NOL4L: variants seen among roughly 807,000 people sequenced by gnomAD.
NOL4L encodes the protein nucleolar protein 4 like.
A neutral mutation model predicts 64.5 loss-of-function variants in NOL4L; 7 were observed. That is an observed-to-expected ratio of 0.11 (90% CI 0.06 to 0.20). The LOEUF is 0.20. Among genes scored for constraint, NOL4L ranks in the 10% least tolerant of loss-of-function variants. The pLI is 1.00. For missense variants in NOL4L, 680 were observed against 967.1 expected (o/e 0.70, Z 3.94); for synonymous variants, 413 against 401.0 (o/e 1.03, Z -0.36).
In NOL4L at chr20:32,456,150, G is replaced by A. The variant is rs772253099; in HGVS notation, c.1087C>T (p.Arg363Cys). 9.0e-6 allele frequency: 14 copies of A among 1,561,178 alleles called. No individual in the cohort carries two copies. Among genetic ancestry groups the A allele is most frequent in the East Asian group, 4.7e-5 (2 of 42,440 alleles). The change falls in exon 6 of 11, where the codon CGC (arginine) becomes TGC (cysteine). Residue 363 changes from arginine to cysteine, a missense_variant. This residue lies in a region of NOL4L where 254 missense variants were observed against 238.7 expected (regional missense o/e 1.06). Transcript: ENST00000621426. Reference protein sequence around the residue: ...DGCGADGLRSRVKYGVKTTPE... With the variant: ...DGCGADGLRSCVKYGVKTTPE... ...GTGGTCTTCACCCCGTATTTGACGC[G>A]GCTCCGCAGCCCGTCGGCACCGCAG...
intron 4 of NOL4L, among the ~76,000 whole-genome samples, chr20:32,496,561 T>A (rs1275442897): frequency 6.6e-6 from 1 of 151,954 alleles, no homozygotes; most frequent in Non-Finnish European, 1.5e-5. Flanking sequence ...TTCTTTCTTT[T>A]TTTTTTTTGA....
intron 4 of NOL4L, among the ~76,000 whole-genome samples, chr20:32,486,336 T>C (rs1202563101): frequency 1.3e-5 from 2 of 152,210 alleles, no homozygotes; most frequent in Non-Finnish European, 2.9e-5. Context: ...TGTCCCTTCT[T>C]CTGGCCCCAG....
intron 1 of NOL4L, among the ~76,000 whole-genome samples, chr20:32,583,467 G>A (rs889689040): frequency 6.8e-6 from 1 of 147,874 alleles, no homozygotes; most frequent in African/African-American, 2.5e-5. Flanking sequence ...GGGGGAGCGG[G>A]GGAGCGGGGG....
chr20:32,456,527 G>A, intron 5 of NOL4L, 132 bp from the exon 6 acceptor site: 1 of 916,100 alleles, frequency 1.1e-6, no homozygotes, highest in Non-Finnish European at 1.5e-6. Flanking sequence ...CCCCACCTCA[G>A]AGGCAATTTG....
rs1420827751 is a variant in NOL4L at position 32,445,367 on chromosome 20, A to AT, written c.*2228dup. The AT allele has an allele frequency of 6.6e-6, 1 of 152,218 alleles. No individual in the cohort carries two copies. The highest frequency in any genetic ancestry group is 1.5e-5 in the Non-Finnish European group (1 of 68,036). The allele number at this position is 152,218 out of a possible 1,614,324, so 9.4% of individuals were successfully genotyped here. ...GTCTGCCAAGAAATGCAAACGGTTC[A>AT]TGTCTAGCTTGGGTACTGCCTCTGG... is the stretch of plus-strand genomic sequence containing the variant. On this transcript the variant is annotated 3_prime_UTR_variant, in exon 11 of 11. Transcript: ENST00000621426.
At position 32,474,704 on chromosome 20, in the gene NOL4L, G is replaced by T; in HGVS notation, c.738C>A (p.Ser246Arg). The T allele has an allele frequency of 6.2e-7, 1 of 1,613,502 alleles. No homozygotes were observed. The highest frequency in any genetic ancestry group is 8.5e-7 in the Non-Finnish European group (1 of 1,179,842). Reference sequence around the variant, plus strand: ...GGTCAGCTGACATCCATGTGGAGTCGCTCATATCAAAATCCTCGCTGCTCA... The same window carrying T: ...GGTCAGCTGACATCCATGTGGAGTCTCTCATATCAAAATCCTCGCTGCTCA... The part of the protein sequence containing the change: ...TSVSSEDFDM[S>R]DSTWMSADPH... The change falls in exon 5 of 11, where the codon AGC becomes AGA. Residue 246 changes from serine (S) to arginine (R), a missense_variant. This residue lies in a region of NOL4L where 254 missense variants were observed against 238.7 expected (regional missense o/e 1.06). Transcript: ENST00000621426.
intron 4 of NOL4L, among the ~76,000 whole-genome samples, chr20:32,499,169 T>C (rs1370795698): frequency 6.6e-6 from 1 of 152,036 alleles, no homozygotes; most frequent in Non-Finnish European, 1.5e-5. Context: ...GAGCCACTGC[T>C]CCTGGCCAAA....
chr20:32,448,666 C>T (rs2012563044), intron 10 of NOL4L, among the ~76,000 whole-genome samples: 1 of 152,332 alleles, frequency 6.6e-6, no homozygotes, highest in East Asian at 1.9e-4. Context: ...GGACAAGACT[C>T]AGACTCGCTT....
chr20:32,540,632 C>G (rs545140956), intron 1 of NOL4L, among the ~76,000 whole-genome samples: 1 of 152,236 alleles, frequency 6.6e-6, no homozygotes, highest in Admixed American at 6.5e-5. Context: ...ATGACTGGAA[C>G]AGGAACAAAT....
chr20:32,577,455 A>C (rs1232112776), intron 1 of NOL4L, among the ~76,000 whole-genome samples: 1 of 152,222 alleles, frequency 6.6e-6, no homozygotes, highest in African/African-American at 2.4e-5. Context: ...AAACATAATG[A>C]GGCTCACTGC....
intron 1 of NOL4L, among the ~76,000 whole-genome samples, chr20:32,529,988 CT>C (rs142578382): frequency 6.6e-6 from 1 of 152,348 alleles, no homozygotes; most frequent in African/African-American, 2.4e-5. Context: ...ATCCCACCCC[CT>C]CCGACATCTC....
rs562558564 is a variant in NOL4L, at chr20:32,465,591, C to T, written c.841+9010G>A. Among the ~76,000 whole-genome samples, 7 of 152,332 alleles carry T rather than the reference C, an allele frequency of 4.6e-5. No individual in the cohort carries two copies. The East Asian group carries it at 5.8e-4, about 13-fold the overall frequency. ...AAACACTAATTCAGTGTGCAAAGAT[C>T]GAGCCGAGACACACAGCCTGCTCCC... On this transcript the variant is annotated intron_variant, in intron 5 of 10. Coordinates refer to ENST00000621426, the MANE Select transcript of NOL4L (RefSeq NM_001256798.2).
intron 4 of NOL4L, among the ~76,000 whole-genome samples, chr20:32,488,851 CT>C (rs1221603538): frequency 1.4e-5 from 1 of 70,696 alleles, no homozygotes; most frequent in African/African-American, 8.7e-5. Context: ...TTCTTTCTTT[CT>C]TTCTTTCTTT....
chr20:32,551,654 TG>T, intron 1 of NOL4L, among the ~76,000 whole-genome samples: 1 of 148,872 alleles, frequency 6.7e-6, no homozygotes, highest in East Asian at 2.0e-4. Flanking sequence ...TCTCCCTACC[TG>T]GGGGAGGGGG....
chr20:32,478,283 T>A lies in NOL4L; in HGVS notation c.700-3541A>T, dbSNP rs955198286. Reference sequence around the variant, plus strand: ...CACACACACACACACACTCTCTCTCTCTCTCTCTCATGCATGCTCACTTTC... The same window carrying A: ...CACACACACACACACACTCTCTCTCACTCTCTCTCATGCATGCTCACTTTC... On this transcript the variant is annotated intron_variant, in intron 4 of 10. Transcript: ENST00000621426. 2.8e-4 allele frequency among the ~76,000 whole-genome samples: 39 copies of A among 140,552 alleles called. No homozygotes were observed. In the South Asian group the frequency reaches 3.0e-3, roughly 11 times the overall value. 92.2% of individuals were successfully genotyped at this position (140,552 alleles called of 152,430 possible). A position where few individuals can be genotyped will look rare whatever the true frequency, so the allele number is the denominator to read the frequency against.
chr20:32,460,142 G>A lies in NOL4L; in HGVS notation c.842-3747C>T, dbSNP rs2013910623. Among the ~76,000 whole-genome samples the A allele has an allele frequency of 1.3e-5, 2 of 152,150 alleles. No homozygotes were observed. The highest frequency in any genetic ancestry group is 4.8e-5 in the African/African-American group (2 of 41,426). ...TTCTGTTGGGGGATGAACAAGCTGT[G>A]GAAATAACAGTGCTTCTGGAGTGTA... is the stretch of plus-strand genomic sequence containing the variant. On this transcript the variant is annotated intron_variant, in intron 5 of 10. Transcript: ENST00000621426. This position sits in a 1 kb window ranked among gnomAD's most constrained non-coding sequence, Gnocchi z 5.7.
At chr20:32,548,639 T>C in intron 1 of NOL4L, 1 of 298,046 alleles carries the variant, frequency 3.4e-6, no homozygotes, top group South Asian at 2.7e-5. Flanking sequence ...CTAGACATTA[T>C]TGCCGGGAGT....
chr20:32,558,719 C>T (rs1239122302), intron 1 of NOL4L, among the ~76,000 whole-genome samples: 1 of 152,186 alleles, frequency 6.6e-6, no homozygotes, highest in African/African-American at 2.4e-5. Context: ...CGGTGCTGGG[C>T]CTGGCCGGGC....
intron 3 of NOL4L, among the ~76,000 whole-genome samples, chr20:32,514,644 C>A (rs1048685066): frequency 6.6e-6 from 1 of 152,042 alleles, no homozygotes; most frequent in African/African-American, 2.4e-5. Context: ...TGGGTTTCCA[C>A]CCCACCGTCA....
Sources: allele counts gnomAD v4.1 joint callset (sites outside exome capture counted in the v4.1 genomes callset), GRCh38; gene constraint gnomAD v4.1.1; regional missense constraint gnomAD v4.1.1; non-coding constraint Gnocchi (gnomAD v3.1); transcripts MANE v1.5; gene names NCBI Gene and HGNC (gene_info 2026-07-23, HGNC 2026-07-21).